Variants in PTPRT observed in about 807,000 individuals in gnomAD.
PTPRT encodes the protein protein tyrosine phosphatase receptor type T.
A neutral mutation model predicts 176.8 loss-of-function variants in PTPRT; 56 were observed. The observed-to-expected ratio is 0.32, with a 90% CI of 0.26 to 0.40. PTPRT has a LOEUF of 0.40. PTPRT is among the 10% of genes least tolerant of loss of function. The probability of loss-of-function intolerance (pLI) is 1.00; values close to 1 mark genes in which losing one functional copy is unlikely to be tolerated. For synonymous variants in PTPRT, 783 were observed against 739.0 expected (o/e 1.06, Z -0.96); for missense variants, 1,540 against 1,908.2 (o/e 0.81, Z 3.60).
chr20:42,830,374 G>A (rs575323270), intron 2 of PTPRT, among the ~76,000 whole-genome samples: 70 of 152,206 alleles, frequency 4.6e-4, no homozygotes, highest in African/African-American at 1.3e-3. Flanking sequence ...AGATGCAGAC[G>A]AGGCTTTCAA....
chr20:42,507,956 G>T (rs1398500410), intron 7 of PTPRT, among the ~76,000 whole-genome samples: 2 of 151,770 alleles, frequency 1.3e-5, no homozygotes, highest in African/African-American at 4.8e-5. Flanking sequence ...CGAGGTCAAT[G>T]CATGGTGTGC....
chr20:42,339,847 A>T (rs1311206090), intron 11 of PTPRT, among the ~76,000 whole-genome samples: 1 of 152,182 alleles, frequency 6.6e-6, no homozygotes, highest in African/African-American at 2.4e-5. Context: ...GGTAGATCAG[A>T]ATCTCCACAG....
intron 1 of PTPRT, among the ~76,000 whole-genome samples, chr20:43,120,839 T>C (rs1242918977): frequency 6.6e-6 from 1 of 152,252 alleles, no homozygotes; most frequent in Non-Finnish European, 1.5e-5. Flanking sequence ...AGTAAATTTT[T>C]GTATTGAAAT....
intron 8 of PTPRT, among the ~76,000 whole-genome samples, chr20:42,457,778 G>A (rs1217562363): frequency 2.0e-5 from 3 of 152,178 alleles, no homozygotes; most frequent in Non-Finnish European, 4.4e-5. Context: ...TTGAGGGGCA[G>A]CCTGAAGTTA....
chr20:43,108,237 T>C (rs1466081570), intron 1 of PTPRT, among the ~76,000 whole-genome samples: 2 of 152,186 alleles, frequency 1.3e-5, no homozygotes, highest in Non-Finnish European at 2.9e-5. Context: ...ACTCTAGTTT[T>C]GAGGATGTTC....
At chr20:42,663,454 T>C (rs1481536363) in intron 7 of PTPRT, among the ~76,000 whole-genome samples, 1 of 152,172 alleles carries the variant, frequency 6.6e-6, no homozygotes, top group Non-Finnish European at 1.5e-5. Flanking sequence ...CAGCCTTTGT[T>C]ATGTGGCTTC....
At chr20:42,764,978 G>A (rs944780897) in intron 5 of PTPRT, among the ~76,000 whole-genome samples, 11 of 152,264 alleles carry the variant, frequency 7.2e-5, no homozygotes, top group Admixed American at 2.6e-4. Flanking sequence ...CAGGTTTACT[G>A]GGCGAACCGG....
chr20:42,824,058 C>T (rs1042369597), intron 2 of PTPRT, among the ~76,000 whole-genome samples: 5 of 151,918 alleles, frequency 3.3e-5, no homozygotes, highest in Non-Finnish European at 7.4e-5. Flanking sequence ...TCAACTTAAA[C>T]AGAGATATGA....
chr20:42,547,373 G>A (rs1012365468), intron 7 of PTPRT, among the ~76,000 whole-genome samples: 6 of 151,774 alleles, frequency 4.0e-5, no homozygotes, highest in Non-Finnish European at 8.8e-5. Flanking sequence ...CTTTCTATAT[G>A]TATATGTGAT....
intron 6 of PTPRT, among the ~76,000 whole-genome samples, chr20:42,755,633 A>G (rs1419097193): frequency 1.3e-5 from 2 of 151,636 alleles, no homozygotes; most frequent in Non-Finnish European, 2.9e-5. Context: ...AGATGCTCAT[A>G]TTCTTGGCCT....
chr20:42,469,565 A>C (rs112737599), intron 8 of PTPRT, among the ~76,000 whole-genome samples: 1 of 152,178 alleles, frequency 6.6e-6, no homozygotes, highest in Non-Finnish European at 1.5e-5. Flanking sequence ...TTGTCCAGGC[A>C]TGCTTGGCTC....
At chr20:42,252,751 T>A (rs1021972419) in intron 13 of PTPRT, among the ~76,000 whole-genome samples, 1 of 152,098 alleles carries the variant, frequency 6.6e-6, no homozygotes, top group Admixed American at 6.5e-5. Context: ...AGAACATACT[T>A]GAGGGCCACA....
rs571452937 is a variant in PTPRT, at chr20:42,404,764, A to C, written c.1560+43456T>G. 3.9e-5 allele frequency among the ~76,000 whole-genome samples: 6 copies of C among 152,162 alleles called. No individual in the cohort carries two copies. The South Asian group carries it at 1.2e-3, about 32-fold the overall frequency. On this transcript the variant is annotated intron_variant, in intron 9 of 30. Coordinates refer to ENST00000373187, the MANE Select transcript of PTPRT (RefSeq NM_007050.6). ...CTTATAATTTTCAAAATGTCAATTG[A>C]AATTCCCAATATCAATTGAAAATCC... is the stretch of plus-strand genomic sequence containing the variant.
At chr20:42,764,779 A>T (rs1476685197) in intron 5 of PTPRT, among the ~76,000 whole-genome samples, 2 of 152,214 alleles carry the variant, frequency 1.3e-5, no homozygotes, top group Non-Finnish European at 2.9e-5. Context: ...AGTAAACATC[A>T]GCTGTTAAAC....
chr20:42,384,008 G>A (rs916986087), intron 9 of PTPRT, among the ~76,000 whole-genome samples: 1 of 152,212 alleles, frequency 6.6e-6, no homozygotes, highest in Non-Finnish European at 1.5e-5. Context: ...GGGACGTAGA[G>A]ACGACAATAT....
intron 15 of PTPRT, among the ~76,000 whole-genome samples, chr20:42,213,609 C>G (rs2055697899): frequency 6.6e-6 from 1 of 152,200 alleles, no homozygotes. Flanking sequence ...ACTAGGGTGG[C>G]TCTGATTCCC....
chr20:42,985,001 C>G (rs763230396), intron 1 of PTPRT, among the ~76,000 whole-genome samples: 4 of 152,116 alleles, frequency 2.6e-5, no homozygotes, highest in Non-Finnish European at 5.9e-5. Flanking sequence ...GCAGGCAATT[C>G]AGGAAGAAGG....
Position 42,578,108 on chromosome 20 carries a change from ACT to A in PTPRT, c.1153+99756_1153+99757del, listed in dbSNP as rs577292036. ...ACAAACTGAATGGTTGATTGTGTCA[ACT>A]CTCTTGTTTTAGGGATGGGAAAACA... On this transcript the variant is annotated intron_variant, in intron 7 of 30. Coordinates refer to ENST00000373187, the MANE Select transcript of PTPRT (RefSeq NM_007050.6). 4.7e-3 allele frequency among the ~76,000 whole-genome samples: 721 copies of A among 152,082 alleles called. 7 individuals are homozygous for A. Among genetic ancestry groups the A allele is most frequent in the African/African-American group, 0.017 (695 of 41,478 alleles).
At chr20:42,186,438 A>G (rs1990786214) in intron 16 of PTPRT, among the ~76,000 whole-genome samples, 2 of 151,680 alleles carry the variant, frequency 1.3e-5, no homozygotes, top group African/African-American at 2.4e-5. Context: ...ACCTTTGACC[A>G]TGCCATTGCT....
Sources: gnomAD v4.1 joint callset for allele counts (sites outside exome capture counted in the v4.1 genomes callset) on GRCh38, gnomAD v4.1.1 for gene constraint, MANE v1.5 for transcripts, NCBI Gene and HGNC (gene_info 2026-07-23, HGNC 2026-07-21) for gene names.